SLC4A10: variants seen among roughly 807,000 people sequenced by gnomAD.
The protein encoded by SLC4A10 is solute carrier family 4 member 10, also known as sodium-driven chloride bicarbonate exchanger.
In SLC4A10, 42 loss-of-function variants were observed where a neutral mutation model predicts 137.7. The ratio of observed to expected loss-of-function variants is 0.30; its 90% confidence interval spans 0.24 to 0.39. SLC4A10 has a LOEUF of 0.39. SLC4A10 is among the 10% of genes least tolerant of loss of function. The probability of loss-of-function intolerance (pLI) is 1.00; values close to 1 mark genes in which losing one functional copy is unlikely to be tolerated. For synonymous variants in SLC4A10, 474 were observed against 464.1 expected (o/e 1.02, Z -0.27); for missense variants, 925 against 1,355.0 (o/e 0.68, Z 4.98).
At chr2:161,711,278 T>C (rs1483947662) in intron 1 of SLC4A10, among the ~76,000 whole-genome samples, 1 of 151,828 alleles carries the variant, frequency 6.6e-6, no homozygotes, top group Non-Finnish European at 1.5e-5. Flanking sequence ...AGAGACTTGA[T>C]CAATCCTGTC....
intron 26 of SLC4A10, among the ~76,000 whole-genome samples, chr2:161,981,863 C>T (rs1340760921): frequency 2.6e-5 from 4 of 152,202 alleles, no homozygotes; most frequent in Admixed American, 1.3e-4. Context: ...GCGCTCACAC[C>T]AGCTCTCAGA....
chr2:161,778,965 C>T (rs992153225), intron 2 of SLC4A10, among the ~76,000 whole-genome samples: 1 of 151,824 alleles, frequency 6.6e-6, no homozygotes, highest in East Asian at 1.9e-4. Flanking sequence ...GTTGCTATAA[C>T]AGAATACCTG....
At chr2:161,863,632 C>G (rs1405370637) in intron 6 of SLC4A10, among the ~76,000 whole-genome samples, 1 of 152,158 alleles carries the variant, frequency 6.6e-6, no homozygotes, top group African/African-American at 2.4e-5. Context: ...TCTTCAACAT[C>G]CATGGAGCCA....
chr2:161,769,754 T>C (rs191582256), intron 1 of SLC4A10, among the ~76,000 whole-genome samples: 29 of 152,002 alleles, frequency 1.9e-4, no homozygotes, highest in African/African-American at 6.7e-4. Flanking sequence ...TTCTCCAAGA[T>C]TGAGATATTG....
Position 161,905,626 on chromosome 2 carries a change from C to G in SLC4A10, c.1752-16C>G. ...ATGACCTTCTTTTCACTGTTCTTTC[C>G]TTTTCCTCCTCCCAGAGAATATGGG... On this transcript the variant is annotated splice_polypyrimidine_tract_variant and intron_variant, in intron 14 of 26. Transcript: ENST00000446997. The G allele has an allele frequency of 6.4e-7, 1 of 1,570,154 alleles. No homozygotes were observed. Among genetic ancestry groups the G allele is most frequent in the Non-Finnish European group, 8.6e-7 (1 of 1,159,878 alleles).
At chr2:161,762,755 T>C (rs2050383359) in intron 1 of SLC4A10, among the ~76,000 whole-genome samples, 1 of 152,098 alleles carries the variant, frequency 6.6e-6, no homozygotes, top group South Asian at 2.1e-4. Context: ...GGAAAATTCA[T>C]GTTTTAACAT....
chr2:161,936,798 G>T (rs1691663273), intron 15 of SLC4A10, among the ~76,000 whole-genome samples: 1 of 152,014 alleles, frequency 6.6e-6, no homozygotes, highest in African/African-American at 2.4e-5. Context: ...ATAAAATGTT[G>T]AGCAGTTCTA....
rs183646404 is a variant in SLC4A10, at chr2:161,789,553, A to C, written c.131-14896A>C. Among the ~76,000 whole-genome samples, 20 of 152,308 alleles carry C rather than the reference A, an allele frequency of 1.3e-4. No homozygotes were observed. The East Asian group carries it at 3.5e-3, about 26-fold the overall frequency. ...AAGCTACATTAAAGTTATAAAAATA[A>C]AAGTAATTGCACTGTGATGTTACAA... is the stretch of plus-strand genomic sequence containing the variant. On this transcript the variant is annotated intron_variant, in intron 2 of 26. Transcript: ENST00000446997.
At chr2:161,746,802 T>C (rs1457904824) in intron 1 of SLC4A10, among the ~76,000 whole-genome samples, 1 of 152,292 alleles carries the variant, frequency 6.6e-6, no homozygotes, top group Middle Eastern at 3.4e-3. Flanking sequence ...CAGCAGGTGA[T>C]GAATTCCAGG....
At chr2:161,893,649 A>G (rs1343902) in intron 10 of SLC4A10, among the ~76,000 whole-genome samples, 49,455 of 151,750 alleles carry the variant, frequency 0.33, 8,392 homozygotes, top group Admixed American at 0.4. Context: ...GCAGTGAGGT[A>G]TGACTGTGCC....
At chr2:161,906,031 G>T in intron 15 of SLC4A10, 144 bp downstream of exon 15, 1 of 1,102,802 alleles carries the variant, frequency 9.1e-7, no homozygotes, top group Non-Finnish European at 1.2e-6. Context: ...GAGTCGAACA[G>T]GATTTTAAAA....
At chr2:161,945,646 G>A (rs2105785145) in intron 16 of SLC4A10, among the ~76,000 whole-genome samples, 1 of 151,742 alleles carries the variant, frequency 6.6e-6, no homozygotes, top group East Asian at 1.9e-4. Context: ...GTGTATTGGG[G>A]ATACAATTAG....
At chr2:161,805,608 A>C (rs1243687763) in intron 3 of SLC4A10, among the ~76,000 whole-genome samples, 1 of 152,184 alleles carries the variant, frequency 6.6e-6, no homozygotes, top group African/African-American at 2.4e-5. Context: ...GCCCAATGCA[A>C]GTCCAAAATC....
chr2:161,789,114 C>A (rs1158015554), intron 2 of SLC4A10, among the ~76,000 whole-genome samples: 1 of 152,194 alleles, frequency 6.6e-6, no homozygotes, highest in African/African-American at 2.4e-5. Flanking sequence ...ACCAGTGTGG[C>A]ACCTGCCATC....
At chr2:161,634,745 A>C (rs1558909438) in intron 1 of SLC4A10, among the ~76,000 whole-genome samples, 1 of 151,956 alleles carries the variant, frequency 6.6e-6, no homozygotes, top group East Asian at 1.9e-4. Context: ...CTATTTTGAA[A>C]TATACAATAT....
intron 15 of SLC4A10, among the ~76,000 whole-genome samples, chr2:161,906,556 C>A (rs1342304964): frequency 6.6e-6 from 1 of 152,070 alleles, no homozygotes; most frequent in Non-Finnish European, 1.5e-5. Context: ...CATTAAATGA[C>A]CCCATTATTT....
At chr2:161,698,157 T>G (rs2042740949) in intron 1 of SLC4A10, among the ~76,000 whole-genome samples, 1 of 152,264 alleles carries the variant, frequency 6.6e-6, no homozygotes, top group South Asian at 2.1e-4. Context: ...ACATTGATTT[T>G]CTGTCTTGAG....
chr2:161,894,779 G>A lies in SLC4A10; in HGVS notation c.1295G>A (p.Trp432Ter), dbSNP rs769090948. Residue 432 changes from tryptophan (W) to a stop codon, truncating the protein, a stop_gained, in exon 11 of 27, where the codon TGG becomes TAG. Coordinates refer to ENST00000446997, the MANE Select transcript of SLC4A10 (RefSeq NM_001178015.2). LOFTEE classifies it high-confidence loss of function. ...GTTACTGTTCTCCCTCCTGGAGAAT[G>A]GGATCCAAGCATTCGAATAGAGCCT... Reference protein sequence around the residue: ...DQVTVLPPGEWDPSIRIEPPK... With the variant: ...DQVTVLPPGE 1 of 1,420,630 alleles carries A rather than the reference G, an allele frequency of 7.0e-7. No individual in the cohort carries two copies. The highest frequency in any genetic ancestry group is 9.3e-7 in the Non-Finnish European group (1 of 1,077,070). The allele number at this position is 1,420,630 out of a possible 1,614,324, so 88.0% of individuals were successfully genotyped here. A position where few individuals can be genotyped will look rare whatever the true frequency, so the allele number is the denominator to read the frequency against.
chr2:161,894,881 C>T, intron 11 of SLC4A10, 56 bp downstream of exon 11: 1 of 1,072,494 alleles, frequency 9.3e-7, no homozygotes, highest in Non-Finnish European at 1.2e-6. Context: ...CTTTTAAATG[C>T]ATGTTTTATT....
Sources: allele counts gnomAD v4.1 joint callset (sites outside exome capture counted in the v4.1 genomes callset), GRCh38; gene constraint gnomAD v4.1.1; transcripts MANE v1.5; gene names NCBI Gene and HGNC (gene_info 2026-07-23, HGNC 2026-07-21).